SEPTIN9: variants seen among roughly 807,000 people sequenced by gnomAD.
SEPTIN9 encodes the protein septin-9.
A neutral mutation model predicts 56.6 loss-of-function variants in SEPTIN9; 13 were observed. The observed-to-expected ratio is 0.23, with a 90% CI of 0.15 to 0.37. SEPTIN9 has a LOEUF of 0.37. SEPTIN9 is among the 10% of genes least tolerant of loss of function. SEPTIN9 has a pLI of 1.00. For missense variants in SEPTIN9, 650 were observed against 823.1 expected (o/e 0.79, Z 2.57); for synonymous variants, 332 against 334.1 (o/e 0.99, Z 0.07).
At chr17:77,392,814 A>G (rs1263307017) in intron 2 of SEPTIN9, among the ~76,000 whole-genome samples, 1 of 152,056 alleles carries the variant, frequency 6.6e-6, no homozygotes, top group African/African-American at 2.4e-5. Context: ...CCCTAAACAA[A>G]TGTGGCTCTC....
intron 2 of SEPTIN9, among the ~76,000 whole-genome samples, chr17:77,312,624 A>G (rs1479183800): frequency 6.6e-6 from 1 of 152,192 alleles, no homozygotes; most frequent in African/African-American, 2.4e-5. Flanking sequence ...GCAGGCAGTC[A>G]GGAAATATTG....
At chr17:77,472,174 A>G (rs1456331837) in intron 3 of SEPTIN9, among the ~76,000 whole-genome samples, 1 of 152,158 alleles carries the variant, frequency 6.6e-6, no homozygotes, top group African/African-American at 2.4e-5. Flanking sequence ...CAAATGAAAG[A>G]ACAGAGGAGG....
At position 77,450,249 on chromosome 17, in the gene SEPTIN9, C is replaced by G. The variant is rs530776777; in HGVS notation, c.722-31895C>G. Reference sequence around the variant, plus strand: ...TGGCTGGCCTGTTTGGCCAGTGTGGCGGGTGCCCCGGGGCTTCAGTCACCC... The same window carrying G: ...TGGCTGGCCTGTTTGGCCAGTGTGGGGGGTGCCCCGGGGCTTCAGTCACCC... On this transcript the variant is annotated intron_variant, in intron 3 of 11. Coordinates refer to ENST00000427177, the MANE Select transcript of SEPTIN9 (RefSeq NM_001113491.2). This position sits in a 1 kb window ranked among gnomAD's most constrained non-coding sequence, Gnocchi z 6.0. Among the ~76,000 whole-genome samples the G allele has an allele frequency of 6.6e-6, 1 of 151,748 alleles. No homozygotes were observed. The highest frequency in any genetic ancestry group is 2.4e-5 in the African/African-American group (1 of 41,316).
rs1761723070 is a variant in SEPTIN9 at position 77,377,341 on chromosome 17, T to C, written c.77-24718T>C. 2.9e-5 allele frequency: 4 copies of C among 138,726 alleles called. No individual in the cohort carries two copies. In the South Asian group the frequency reaches 8.8e-4, roughly 31 times the overall value. 8.6% of individuals were successfully genotyped at this position (138,726 alleles called of 1,614,324 possible). ...CGGGGCTGGCGGACGGCATGTGCTTTCGTGAATTCAGGCCAAATCTGTTAT... is the reference window on the plus strand; with the variant it reads ...CGGGGCTGGCGGACGGCATGTGCTTCCGTGAATTCAGGCCAAATCTGTTAT... On this transcript the variant is annotated intron_variant, in intron 2 of 11. Transcript: ENST00000427177.
At chr17:77,284,183 A>G (rs909328115) in intron 1 of SEPTIN9, among the ~76,000 whole-genome samples, 2 of 152,210 alleles carry the variant, frequency 1.3e-5, no homozygotes, top group Non-Finnish European at 2.9e-5. Context: ...CCAGGAGGCT[A>G]CTCAGGAGGC....
At chr17:77,383,764 C>T (rs2035232246) in intron 2 of SEPTIN9, among the ~76,000 whole-genome samples, 1 of 152,100 alleles carries the variant, frequency 6.6e-6, no homozygotes, top group South Asian at 2.1e-4. Flanking sequence ...GGGTAGCCTT[C>T]CCAGGCCCAG....
intron 2 of SEPTIN9, among the ~76,000 whole-genome samples, chr17:77,397,675 A>T (rs1308474396): frequency 6.6e-6 from 1 of 151,886 alleles, no homozygotes; most frequent in African/African-American, 2.4e-5. Flanking sequence ...TTTGAGATGA[A>T]GTCTTGCTTT....
intron 1 of SEPTIN9, among the ~76,000 whole-genome samples, chr17:77,300,236 T>C (rs1447771487): frequency 6.6e-6 from 1 of 152,138 alleles, no homozygotes; most frequent in Admixed American, 6.5e-5. Flanking sequence ...TAGCTGAGAT[T>C]ACAGGCGTGC....
In SEPTIN9 at chr17:77,475,277, G is replaced by C; in HGVS notation, c.722-6867G>C. On this transcript the variant is annotated intron_variant, in intron 3 of 11. Transcript: ENST00000427177. The surrounding 1 kb of genome is among the most constrained non-coding windows in gnomAD (Gnocchi z 4.6). Reference sequence around the variant, plus strand: ...CGTGGGGAGACTGTCTGGACGCAGAGAGCAGGCTCTGTGTGGGAGCGGGGA... The same window carrying C: ...CGTGGGGAGACTGTCTGGACGCAGACAGCAGGCTCTGTGTGGGAGCGGGGA... 7.1e-7 allele frequency: 1 copy of C among 1,406,340 alleles called. No homozygotes were observed. The highest frequency in any genetic ancestry group is 9.2e-7 in the Non-Finnish European group (1 of 1,083,566). The allele number at this position is 1,406,340 out of a possible 1,614,324, so 87.1% of individuals were successfully genotyped here. A position where few individuals can be genotyped will look rare whatever the true frequency, so the allele number is the denominator to read the frequency against.
intron 3 of SEPTIN9, among the ~76,000 whole-genome samples, chr17:77,460,225 G>T (rs2144492387): frequency 6.6e-6 from 1 of 152,272 alleles, no homozygotes; most frequent in African/African-American, 2.4e-5. Context: ...TCTGTTCCTT[G>T]TTGAGAGAGC....
intron 2 of SEPTIN9, chr17:77,373,588 G>T: frequency 6.5e-7 from 1 of 1,539,118 alleles, no homozygotes; most frequent in Non-Finnish European, 8.8e-7. Flanking sequence ...CCGCGGACGT[G>T]CTGGAGAGGA....
At chr17:77,325,169 T>C (rs2033086856) in intron 2 of SEPTIN9, among the ~76,000 whole-genome samples, 1 of 152,202 alleles carries the variant, frequency 6.6e-6, no homozygotes. Flanking sequence ...ATCTATTTGT[T>C]CTTCTGTTGC....
In SEPTIN9 at chr17:77,310,304, A is replaced by G. The variant is rs1021063816; in HGVS notation, c.76+3107A>G. Reference sequence around the variant, plus strand: ...GCCTGGTCTCCTCTTGCATACGGTCATCAGCATCGTGTGACTGAGCAGCCT... The same window carrying G: ...GCCTGGTCTCCTCTTGCATACGGTCGTCAGCATCGTGTGACTGAGCAGCCT... On this transcript the variant is annotated intron_variant, in intron 2 of 11. Coordinates refer to ENST00000427177, the MANE Select transcript of SEPTIN9 (RefSeq NM_001113491.2). This position sits in a 1 kb window ranked among gnomAD's most constrained non-coding sequence, Gnocchi z 4.7. Among the ~76,000 whole-genome samples the G allele has an allele frequency of 9.9e-5, 15 of 152,050 alleles. No homozygotes were observed. The highest frequency in any genetic ancestry group is 3.4e-4 in the African/African-American group (14 of 41,404).
chr17:77,438,923 A>G (rs1173520441), intron 3 of SEPTIN9, among the ~76,000 whole-genome samples: 3 of 152,202 alleles, frequency 2.0e-5, no homozygotes, highest in Non-Finnish European at 2.9e-5. Context: ...AAGGTCTCCC[A>G]TGTCTGTTTG....
Position 77,402,752 on chromosome 17 carries a change from G to A in SEPTIN9, c.721+49G>A, listed in dbSNP as rs2035947025. The A allele has an allele frequency of 6.6e-7, 1 of 1,505,222 alleles. No homozygotes were observed. Among genetic ancestry groups the A allele is most frequent in the African/African-American group, 1.4e-5 (1 of 71,610 alleles). 93.2% of individuals were successfully genotyped at this position (1,505,222 alleles called of 1,614,324 possible). A position where few individuals can be genotyped will look rare whatever the true frequency, so the allele number is the denominator to read the frequency against. ...TGGATGCTGTGGTAATGGGGGGCCT[G>A]GTTGCTGGCTTTGCCACAGAATCTT... On this transcript the variant is annotated intron_variant, in intron 3 of 11. Transcript: ENST00000427177. The surrounding 1 kb of genome is among the most constrained non-coding windows in gnomAD (Gnocchi z 6.6).
chr17:77,475,173 TGA>T lies in SEPTIN9; in HGVS notation c.722-6969_722-6968del. Reference sequence around the variant, plus strand: ...GCCGGGCTGGGGTGAGCGTGATGGATGAGGTGTCTGGCTTCACAAACCCTGTG... The same window carrying T: ...GCCGGGCTGGGGTGAGCGTGATGGATGGTGTCTGGCTTCACAAACCCTGTG... On this transcript the variant is annotated intron_variant, in intron 3 of 11. Transcript: ENST00000427177. This position sits in a 1 kb window ranked among gnomAD's most constrained non-coding sequence, Gnocchi z 4.6. The T allele has an allele frequency of 6.1e-6, 7 of 1,140,484 alleles. No individual in the cohort carries two copies. The Admixed American group carries it at 1.3e-4, about 21-fold the overall frequency. 70.6% of individuals were successfully genotyped at this position (1,140,484 alleles called of 1,614,324 possible).
At chr17:77,320,573 T>C (rs528659365) in intron 2 of SEPTIN9, among the ~76,000 whole-genome samples, 2 of 152,380 alleles carry the variant, frequency 1.3e-5, no homozygotes, top group African/African-American at 4.8e-5. Flanking sequence ...CTCTCCTGGC[T>C]ACTTCCCTTT....
chr17:77,356,802 G>A (rs1024596251), intron 2 of SEPTIN9, among the ~76,000 whole-genome samples: 5 of 145,928 alleles, frequency 3.4e-5, no homozygotes, highest in Non-Finnish European at 7.5e-5. Context: ...TGTCTGGTGG[G>A]CTCTGGCAGG....
At chr17:77,459,285 C>T (rs1396865861) in intron 3 of SEPTIN9, among the ~76,000 whole-genome samples, 2 of 152,248 alleles carry the variant, frequency 1.3e-5, no homozygotes, top group Non-Finnish European at 2.9e-5. Flanking sequence ...CTGGTGCCAC[C>T]TCCCCAGACT....
Sources: gnomAD v4.1 joint callset for allele counts (sites outside exome capture counted in the v4.1 genomes callset) on GRCh38, gnomAD v4.1.1 for gene constraint, Gnocchi (gnomAD v3.1) non-coding constraint, MANE v1.5 for transcripts, NCBI Gene and HGNC (gene_info 2026-07-23, HGNC 2026-07-21) for gene names.